Variants in PRTFDC1 observed in about 807,000 individuals in gnomAD.
PRTFDC1 encodes phosphoribosyltransferase domain-containing protein 1.
In PRTFDC1, 38 loss-of-function variants were observed where a neutral mutation model predicts 34.6. The ratio of observed to expected loss-of-function variants is 1.10; its 90% CI spans 0.85 to 1.44. PRTFDC1 has a LOEUF of 1.44. PRTFDC1 is among the 40% of genes most tolerant of loss of function. The pLI, the probability that PRTFDC1 is intolerant of heterozygous loss-of-function variation, is 0.00. For synonymous variants in PRTFDC1, 93 were observed against 98.1 expected (o/e 0.95, Z 0.31); for missense variants, 270 against 283.0 (o/e 0.95, Z 0.33).
intron 4 of PRTFDC1, among the ~76,000 whole-genome samples, chr10:24,870,283 T>G (rs1307345589): frequency 6.6e-6 from 1 of 152,132 alleles, no homozygotes; most frequent in Non-Finnish European, 1.5e-5. Flanking sequence ...AATTTTCGTA[T>G]TTTTAGTAGA....
chr10:24,913,648 T>C (rs1056347259), intron 3 of PRTFDC1, among the ~76,000 whole-genome samples: 5 of 152,238 alleles, frequency 3.3e-5, no homozygotes, highest in Non-Finnish European at 7.3e-5. Flanking sequence ...TCAGTGATTT[T>C]TCAATGCCCC....
chr10:24,906,407 G>A (rs1274308085), intron 3 of PRTFDC1, among the ~76,000 whole-genome samples: 1 of 152,070 alleles, frequency 6.6e-6, no homozygotes, highest in Admixed American at 6.6e-5. Context: ...CTGATATATG[G>A]AATATGAAGA....
intron 5 of PRTFDC1, among the ~76,000 whole-genome samples, chr10:24,858,103 C>A (rs1477432553): frequency 6.6e-6 from 1 of 152,146 alleles, no homozygotes; most frequent in Non-Finnish European, 1.5e-5. Flanking sequence ...CTAGTTTCCT[C>A]TTCTTTAAAG....
intron 1 of PRTFDC1, among the ~76,000 whole-genome samples, chr10:24,945,067 C>G (rs140151121): frequency 7.2e-5 from 11 of 152,316 alleles, no homozygotes; most frequent in African/African-American, 2.4e-4. Context: ...TTCCACATGG[C>G]TGTCCTCTAC....
chr10:24,914,346 T>A (rs1346068984), intron 3 of PRTFDC1, among the ~76,000 whole-genome samples: 1 of 152,192 alleles, frequency 6.6e-6, no homozygotes, highest in Admixed American at 6.5e-5. Context: ...AAAAAATTAT[T>A]TCTTAGGCAT....
At chr10:24,943,093 C>T (rs1849194098) in intron 1 of PRTFDC1, among the ~76,000 whole-genome samples, 1 of 149,330 alleles carries the variant, frequency 6.7e-6, no homozygotes, top group South Asian at 2.1e-4. Context: ...TCATAATAAA[C>T]AACATATTTG....
intron 3 of PRTFDC1, among the ~76,000 whole-genome samples, chr10:24,899,996 A>G (rs952335800): frequency 6.6e-6 from 1 of 152,156 alleles, no homozygotes; most frequent in Non-Finnish European, 1.5e-5. Flanking sequence ...GAACTCACAC[A>G]TTTTATTTAT....
At chr10:24,880,821 TTCTTTCTTTCTTTCTTTC>T (rs2132524426) in intron 3 of PRTFDC1, among the ~76,000 whole-genome samples, 1 of 90,570 alleles carries the variant, frequency 1.1e-5, no homozygotes, top group African/African-American at 5.3e-5. Flanking sequence ...TTCTCTTTCT[TTCTTTCTTTCTTTCTTTC>T]TTTCTTTCTT....
chr10:24,883,409 T>G, intron 3 of PRTFDC1, among the ~76,000 whole-genome samples: 2 of 151,446 alleles, frequency 1.3e-5, no homozygotes, highest in Admixed American at 6.6e-5. Context: ...GGAGGGTGGG[T>G]CAGAAGGAGG....
intron 3 of PRTFDC1, among the ~76,000 whole-genome samples, chr10:24,935,849 A>G (rs1467037633): frequency 1.3e-5 from 2 of 152,226 alleles, no homozygotes; most frequent in Non-Finnish European, 2.9e-5. Context: ...TGGAGAGTCT[A>G]CCAACTCCAG....
rs184736820 is a variant in PRTFDC1 at position 24,933,081 on chromosome 10, G to T, written c.339+4103C>A. ...TGCAAAAATGAAAAGAAAAGGAATC[G>T]CAATCCATACCTTATATCGTAGTAA... On this transcript the variant is annotated intron_variant, in intron 3 of 8. Transcript: ENST00000320152. 4.0e-5 allele frequency among the ~76,000 whole-genome samples: 6 copies of T among 151,810 alleles called. No homozygotes were observed. The East Asian group carries it at 9.7e-4, about 24-fold the overall frequency.
chr10:24,858,690 T>G (rs1294248622), intron 4 of PRTFDC1, among the ~76,000 whole-genome samples: 1 of 152,194 alleles, frequency 6.6e-6, no homozygotes, highest in Admixed American at 6.5e-5. Context: ...CCCATTTCAG[T>G]AATTCTGCCA....
At chr10:24,941,673 G>A (rs1049133305) in intron 2 of PRTFDC1, among the ~76,000 whole-genome samples, 1 of 152,082 alleles carries the variant, frequency 6.6e-6, no homozygotes, top group African/African-American at 2.4e-5. Context: ...CCCTACCCAG[G>A]AGTCAATCAT....
chr10:24,904,989 G>C (rs1053201868), intron 3 of PRTFDC1, among the ~76,000 whole-genome samples: 2 of 152,044 alleles, frequency 1.3e-5, no homozygotes, highest in Non-Finnish European at 2.9e-5. Flanking sequence ...GGTGTGCCAT[G>C]GGTCCTTCAA....
chr10:24,862,732 C>T lies in PRTFDC1; in HGVS notation c.406-4323G>A, dbSNP rs190670432. Among the ~76,000 whole-genome samples the T allele has an allele frequency of 5.7e-4, 86 of 151,800 alleles. 1 individual carries two copies. The highest frequency in any genetic ancestry group is 4.0e-3 in the Admixed American group (61 of 15,220). On this transcript the variant is annotated intron_variant, in intron 4 of 8. Transcript: ENST00000320152. The stretch of plus-strand genomic sequence containing the variant: ...GTTTATGGCAACCCTGTGTTGAGCA[C>T]GTGTATTGGTGTCATTTTTCTGACA...
At position 24,942,404 on chromosome 10, in the gene PRTFDC1, A is replaced by C; in HGVS notation, c.81T>G (p.Asn27Lys). Reference sequence around the variant, plus strand: ...AATAGTGCTGTGGGTACGTGAATAAATTCAAGTCATACCCTGGCCAATCAT... The same window carrying C: ...AATAGTGCTGTGGGTACGTGAATAACTTCAAGTCATACCCTGGCCAATCAT... Reference protein sequence around the residue: ...IMDDWPGYDLNLFTYPQHYYG... With the variant: ...IMDDWPGYDLKLFTYPQHYYG... Residue 27 changes from asparagine (N) to lysine (K), a missense_variant, in exon 2 of 9, where the codon AAT becomes AAG. Coordinates refer to ENST00000320152, the MANE Select transcript of PRTFDC1 (RefSeq NM_020200.7). The C allele has an allele frequency of 1.9e-6, 3 of 1,613,700 alleles. No homozygotes were observed. Among genetic ancestry groups the C allele is most frequent in the Non-Finnish European group, 2.5e-6 (3 of 1,179,580 alleles).
At chr10:24,884,401 C>T (rs1266606437) in intron 3 of PRTFDC1, among the ~76,000 whole-genome samples, 1 of 152,088 alleles carries the variant, frequency 6.6e-6, no homozygotes, top group Admixed American at 6.6e-5. Context: ...TCTTCATGTC[C>T]ATGCTACCGT....
intron 5 of PRTFDC1, among the ~76,000 whole-genome samples, chr10:24,857,364 T>A (rs1476336966): frequency 6.6e-6 from 1 of 152,216 alleles, no homozygotes; most frequent in Non-Finnish European, 1.5e-5. Flanking sequence ...TGAATTTTCA[T>A]GGATATGTAC....
chr10:24,872,788 GTA>G (rs1555045487), intron 3 of PRTFDC1, among the ~76,000 whole-genome samples: 77 of 83,210 alleles, frequency 9.3e-4, no homozygotes, highest in African/African-American at 2.2e-3. Flanking sequence ...GTGTGTGTGT[GTA>G]TATATATATA....
Sources: gnomAD v4.1 joint callset for allele counts (sites outside exome capture counted in the v4.1 genomes callset) on GRCh38, gnomAD v4.1.1 for gene constraint, MANE v1.5 for transcripts, NCBI Gene and HGNC (gene_info 2026-07-23, HGNC 2026-07-21) for gene names.